KLC3: variants seen among roughly 807,000 people sequenced by gnomAD.
KLC3 encodes the protein kinesin light chain 3, also known as kinesin light chain 2.
A neutral mutation model predicts 62.9 loss-of-function variants in KLC3; 72 were observed. The observed-to-expected ratio is 1.15, with a 90% CI of 0.95 to 1.39. KLC3 has a LOEUF of 1.39. Among genes scored for constraint, KLC3 ranks in the 40% most tolerant of loss-of-function variants. The pLI is 0.00. For synonymous variants in KLC3, 377 were observed against 300.5 expected (o/e 1.25, Z -2.63); for missense variants, 848 against 691.6 (o/e 1.23, Z -2.54).
Position 45,350,938 on chromosome 19 carries a change from G to A in KLC3, c.1380-16G>A, listed in dbSNP as rs368232994. ...TCCTGGATTCACTCATTTCCTCCCT[G>A]CTGCCCTCTTTGCAGAATGAAGAGA... On this transcript the variant is annotated splice_polypyrimidine_tract_variant and intron_variant, in intron 11 of 12. Coordinates refer to ENST00000391946, the MANE Select transcript of KLC3 (RefSeq NM_177417.3). 3.3e-5 allele frequency: 54 copies of A among 1,613,404 alleles called. No individual in the cohort carries two copies. The African/African-American group carries it at 6.8e-4, about 20-fold the overall frequency.
At position 45,351,281 on chromosome 19, in the gene KLC3, T is replaced by C. The variant is rs1310805134; in HGVS notation, c.1444-5T>C. 1 of 1,612,456 alleles carries C rather than the reference T, an allele frequency of 6.2e-7. No individual in the cohort carries two copies. The highest frequency in any genetic ancestry group is 8.5e-7 in the Non-Finnish European group (1 of 1,179,892). On this transcript the variant is annotated splice_region_variant and splice_polypyrimidine_tract_variant and intron_variant, in intron 12 of 12. Coordinates refer to ENST00000391946, the MANE Select transcript of KLC3 (RefSeq NM_177417.3). ...CCTCCAACCATCCCCTGTGCCTGTC[T>C]CCAGTTTCCCAGCTGGCACCTGGAC...
rs371604056 is a variant in KLC3 at position 45,351,280 on chromosome 19, C to T, written c.1444-6C>T. On this transcript the variant is annotated splice_region_variant and splice_polypyrimidine_tract_variant and intron_variant, in intron 12 of 12. Transcript: ENST00000391946. ...CCCTCCAACCATCCCCTGTGCCTGT[C>T]TCCAGTTTCCCAGCTGGCACCTGGA... The T allele has an allele frequency of 1.2e-6, 2 of 1,612,340 alleles. No individual in the cohort carries two copies. The highest frequency in any genetic ancestry group is 2.7e-5 in the African/African-American group (2 of 74,902).
intron 9 of KLC3, 23 bp from the exon 10 acceptor site, chr19:45,350,477 ATGTCCCCATCTCAG>A (rs1490695939): frequency 3.1e-6 from 5 of 1,612,356 alleles, no homozygotes; most frequent in African/African-American, 1.3e-5. Flanking sequence ...TGGCTTCTCT[ATGTCCCCATCTCAG>A]TGTCCCCCAT....
chr19:45,349,697 G>GGGGTGT, intron 8 of KLC3, 95 bp downstream of exon 8: 1 of 649,758 alleles, frequency 1.5e-6, no homozygotes, highest in Non-Finnish European at 2.2e-6. Flanking sequence ...ACGTGAGGGT[G>GGGGTGT]GGGGGGGGCC....
chr19:45,350,561 G>GGCTGT lies in KLC3; in HGVS notation c.1272+14_1272+18dup. 6.2e-7 allele frequency: 1 copy of GGCTGT among 1,613,948 alleles called. No individual in the cohort carries two copies. Among genetic ancestry groups the GGCTGT allele is most frequent in the Non-Finnish European group, 8.5e-7 (1 of 1,179,980 alleles). ...TGGTGACGCAGAACAGGTGAGGATG[G>GGCTGT]GCTGTGCTTCGGCTCCTGGGGTGGG... is the stretch of plus-strand genomic sequence containing the variant. On this transcript the variant is annotated intron_variant, in intron 10 of 12. Coordinates refer to ENST00000391946, the MANE Select transcript of KLC3 (RefSeq NM_177417.3).
chr19:45,351,116 GTGGTGGGT>G, intron 12 of KLC3, 99 bp downstream of exon 12: 1 of 1,607,376 alleles, frequency 6.2e-7, no homozygotes, highest in South Asian at 1.1e-5. Flanking sequence ...GAGTCAGCAG[GTGGTGGGT>G]TGGTGTCAGA....
chr19:45,343,340 T>A (rs901355319), intron 1 of KLC3, among the ~76,000 whole-genome samples: 1 of 152,084 alleles, frequency 6.6e-6, no homozygotes, highest in Non-Finnish European at 1.5e-5. Context: ...TTAAATAATA[T>A]TATCACTTTT....
At chr19:45,349,753 T>TCAGCACAGAACACGGAATCAGGAAACG (rs1360711648) in intron 8 of KLC3, 151 bp downstream of exon 8, 1 of 724,486 alleles carries the variant, frequency 1.4e-6, no homozygotes, top group Non-Finnish European at 2.2e-6. Context: ...AGGAGCTGGC[T>TCAGCACAGAACACGGAATCAGGAAACG]CAGCACAGAA....
rs1038740835 is a variant in KLC3, at chr19:45,348,111, T to G, written c.730T>G (p.Cys244Gly). 1 of 1,602,140 alleles carries G rather than the reference T, an allele frequency of 6.2e-7. No individual in the cohort carries two copies. Among genetic ancestry groups the G allele is most frequent in the South Asian group, 1.1e-5 (1 of 89,320 alleles). The change falls in exon 5 of 13, where the codon TGC (cysteine) becomes GGC (glycine). Residue 244 changes from cysteine (C) to glycine (G), a missense_variant. Coordinates refer to ENST00000391946, the MANE Select transcript of KLC3 (RefSeq NM_177417.3). Reference protein sequence around the residue: ...LEDLERSSGHCHPDVATMLNI... With the variant: ...LEDLERSSGHGHPDVATMLNI... ...GGACCTGGAGCGCAGCTCGGGCCACTGCCACCCTGACGTGGCCACCATGCT... is the reference window on the plus strand; with the variant it reads ...GGACCTGGAGCGCAGCTCGGGCCACGGCCACCCTGACGTGGCCACCATGCT...
In KLC3 at chr19:45,350,995, C is replaced by T. The variant is rs1368360427; in HGVS notation, c.1421C>T (p.Ala474Val). 4.3e-6 allele frequency: 7 copies of T among 1,613,984 alleles called. No individual in the cohort carries two copies. Among genetic ancestry groups the T allele is most frequent in the African/African-American group, 4.0e-5 (3 of 74,894 alleles). The change falls in exon 12 of 13, where the codon GCT becomes GTT. Residue 474 changes from alanine (A) to valine (V), a missense_variant. Ala to Val is a moderately conservative substitution (Grantham distance 64). Transcript: ENST00000391946. The stretch of plus-strand genomic sequence containing the variant: ...TCACTCAACACACTGAACGTGGATG[C>T]TCCAAGGGCTCCTGGGACTCAGGTG... ...AMSLNTLNVD[A>V]PRAPGTQFPS...
intron 8 of KLC3, 52 bp from the exon 9 acceptor site, chr19:45,350,289 C>A: frequency 1.5e-6 from 2 of 1,354,896 alleles, no homozygotes; most frequent in Non-Finnish European, 2.1e-6. Context: ...GGACTGGATG[C>A]AGTGTTGGGA....
Position 45,349,492 on chromosome 19 carries a change from A to G in KLC3, c.1033A>G (p.Asn345Asp), listed in dbSNP as rs1971604558. 1.2e-6 allele frequency: 2 copies of G among 1,613,870 alleles called. No individual in the cohort carries two copies. Among genetic ancestry groups the G allele is most frequent in the African/African-American group, 2.7e-5 (2 of 74,926 alleles). The change falls in exon 8 of 13, where the codon AAC (asparagine) becomes GAC (aspartate). Residue 345 changes from asparagine (N) to aspartate (D), a missense_variant. Asn to Asp is a conservative substitution (Grantham distance 23). Transcript: ENST00000391946. ...QLNNLALLCQ[N>D]QGKFEDVERH... The stretch of plus-strand genomic sequence containing the variant: ...CAACAACCTGGCCCTGCTGTGCCAG[A>G]ACCAGGGCAAGTTTGAGGACGTGGA...
chr19:45,351,418 G>C lies in KLC3; in HGVS notation c.*61G>C, dbSNP rs1333178727. ...AACAGTGCAGGAGGGATGGGCTGGTGGGGTGAGAGGGGGTCTATCATCTCC... is the reference window on the plus strand; with the variant it reads ...AACAGTGCAGGAGGGATGGGCTGGTCGGGTGAGAGGGGGTCTATCATCTCC... On this transcript the variant is annotated 3_prime_UTR_variant, in exon 13 of 13. Transcript: ENST00000391946. 4.4e-6 allele frequency: 7 copies of C among 1,592,964 alleles called. No homozygotes were observed. The highest frequency in any genetic ancestry group is 5.1e-6 in the Non-Finnish European group (6 of 1,172,888).
intron 3 of KLC3, 136 bp downstream of exon 3, chr19:45,346,910 CCA>C (rs753194869): frequency 1.5e-5 from 11 of 750,658 alleles, no homozygotes; most frequent in East Asian, 1.4e-4. Context: ...CCTTAGAATG[CCA>C]CAGTCCCCCA....
In KLC3 at chr19:45,350,704, C is replaced by T. The variant is rs771354627; in HGVS notation, c.1336C>T (p.Leu446=). 24 of 1,613,626 alleles carry T rather than the reference C, an allele frequency of 1.5e-5. No individual in the cohort carries two copies. Among genetic ancestry groups the T allele is most frequent in the Non-Finnish European group, 1.9e-5 (22 of 1,179,918 alleles). The change falls in exon 11 of 13, where the codon CTG becomes TTG. Residue 446 remains leucine, a synonymous_variant. Coordinates refer to ENST00000391946, the MANE Select transcript of KLC3 (RefSeq NM_177417.3). The part of the protein sequence containing the change: ...RESIRRGSEK[L]VSRLRGEAAA... ...GTCTATCAGGCGAGGAAGTGAGAAG[C>T]TGGTCTCCCGGCTCCGAGGCGAGGC...
chr19:45,341,543 TTC>T (rs1262172721), intron 1 of KLC3, among the ~76,000 whole-genome samples: 3 of 144,792 alleles, frequency 2.1e-5, no homozygotes, highest in African/African-American at 7.8e-5. Flanking sequence ...GTGGTTGTCT[TTC>T]TGCCTGTTGG....
At chr19:45,344,482 G>C (rs1391739895) in intron 1 of KLC3, among the ~76,000 whole-genome samples, 2 of 151,058 alleles carry the variant, frequency 1.3e-5, no homozygotes, top group South Asian at 2.1e-4. Flanking sequence ...GCCTCCCAAA[G>C]TGCTGGCATT....
intron 10 of KLC3, 28 bp from the exon 11 acceptor site, chr19:45,350,613 C>A (rs368179138): frequency 3.7e-6 from 6 of 1,613,050 alleles, no homozygotes; most frequent in Non-Finnish European, 5.1e-6. Flanking sequence ...GCCTGGGGGA[C>A]TGAGCAGCAT....
chr19:45,351,426 A>G lies in KLC3; in HGVS notation c.*69A>G. ...AGGAGGGATGGGCTGGTGGGGTGAG[A>G]GGGGGTCTATCATCTCCTGGCCCCC... On this transcript the variant is annotated 3_prime_UTR_variant, in exon 13 of 13. Coordinates refer to ENST00000391946, the MANE Select transcript of KLC3 (RefSeq NM_177417.3). The G allele has an allele frequency of 1.9e-6, 3 of 1,592,334 alleles. No individual in the cohort carries two copies. The highest frequency in any genetic ancestry group is 2.6e-6 in the Non-Finnish European group (3 of 1,172,554).
Sources: allele counts gnomAD v4.1 joint callset (sites outside exome capture counted in the v4.1 genomes callset), GRCh38; gene constraint gnomAD v4.1.1; transcripts MANE v1.5; gene names NCBI Gene and HGNC (gene_info 2026-07-23, HGNC 2026-07-21).